Variants in PDE4D observed in about 807,000 individuals in gnomAD.
The protein encoded by PDE4D is phosphodiesterase 4D.
A neutral mutation model predicts 87.4 loss-of-function variants in PDE4D; 24 were observed. The ratio of observed to expected loss-of-function variants is 0.27; its 90% CI spans 0.20 to 0.39. The LOEUF is 0.39. Ranked by LOEUF, PDE4D falls within the 10% of genes least tolerant of loss-of-function variation. The probability of loss-of-function intolerance (pLI) is 1.00; values close to 1 mark genes in which losing one functional copy is unlikely to be tolerated. For synonymous variants in PDE4D, 384 were observed against 383.2 expected (o/e 1.00, Z -0.02); for missense variants, 714 against 1,041.0 (o/e 0.69, Z 4.32).
At chr5:59,628,564 G>A (rs553620761) in intron 1 of PDE4D, among the ~76,000 whole-genome samples, 29 of 152,182 alleles carry the variant, frequency 1.9e-4, no homozygotes, top group African/African-American at 6.7e-4. Context: ...TACTTATTGA[G>A]CCCTAACCTC....
intron 5 of PDE4D, among the ~76,000 whole-genome samples, chr5:59,055,199 G>C (rs1004685517): frequency 6.6e-6 from 1 of 152,074 alleles, no homozygotes; most frequent in African/African-American, 2.4e-5. Flanking sequence ...GCATTTCATT[G>C]GCAAATGAAC....
At chr5:60,270,427 T>C (rs1750698006) in intron 1 of PDE4D, among the ~76,000 whole-genome samples, 2 of 152,194 alleles carry the variant, frequency 1.3e-5, no homozygotes, top group African/African-American at 4.8e-5. Context: ...GTTTGTATCA[T>C]TCAGACCAGA....
chr5:59,175,562 A>ACCT (rs1261441269), intron 5 of PDE4D, among the ~76,000 whole-genome samples: 2 of 136,372 alleles, frequency 1.5e-5, no homozygotes, highest in Non-Finnish European at 3.0e-5. Flanking sequence ...GCTCACTGCA[A>ACCT]CCTCCGCCCT....
In PDE4D at chr5:58,973,097, T is replaced by C. The variant is rs1259490990; in HGVS notation, c.*1567A>G. On this transcript the variant is annotated 3_prime_UTR_variant, in exon 15 of 15. Transcript: ENST00000340635. ...CCGTTTCTCAGGGATGTTCCTGATA[T>C]AGTTCTTAATCCCATGGTGAAATCA... 2 of 152,230 alleles carry C rather than the reference T, an allele frequency of 1.3e-5. No homozygotes were observed. The highest frequency in any genetic ancestry group is 2.4e-5 in the African/African-American group (1 of 41,458). 9.4% of individuals were successfully genotyped at this position (152,230 alleles called of 1,614,324 possible). A position where few individuals can be genotyped will look rare whatever the true frequency, so the allele number is the denominator to read the frequency against.
intron 1 of PDE4D, among the ~76,000 whole-genome samples, chr5:60,506,632 G>C (rs1287334504): frequency 6.6e-6 from 1 of 152,094 alleles, no homozygotes; most frequent in Non-Finnish European, 1.5e-5. Flanking sequence ...AAAAGGAATG[G>C]AAAGCAAGAG....
At chr5:60,027,276 T>A (rs1324365417) in intron 2 of PDE4D, among the ~76,000 whole-genome samples, 1 of 152,190 alleles carries the variant, frequency 6.6e-6, no homozygotes, top group African/African-American at 2.4e-5. Flanking sequence ...CATCTTTATA[T>A]CTGTGTATAA....
At chr5:59,420,689 G>GAAA (rs55960957) in intron 1 of PDE4D, among the ~76,000 whole-genome samples, 38 of 122,010 alleles carry the variant, frequency 3.1e-4, no homozygotes, top group Non-Finnish European at 4.9e-4. Flanking sequence ...TACTGCACAA[G>GAAA]AAAAAAAAAA....
intron 1 of PDE4D, among the ~76,000 whole-genome samples, chr5:59,387,395 T>A (rs1562083001): frequency 1.3e-5 from 2 of 152,136 alleles, no homozygotes; most frequent in Non-Finnish European, 2.9e-5. Context: ...AGGTTCATAC[T>A]AGCAAGAGAT....
At chr5:60,423,580 C>T (rs565145354) in intron 1 of PDE4D, among the ~76,000 whole-genome samples, 13 of 152,036 alleles carry the variant, frequency 8.6e-5, no homozygotes, top group African/African-American at 2.9e-4. Context: ...TAAATGCACA[C>T]AAGAGAAAGC....
chr5:60,464,632 G>C (rs1747204231), intron 1 of PDE4D, among the ~76,000 whole-genome samples: 3 of 152,186 alleles, frequency 2.0e-5, no homozygotes, highest in African/African-American at 7.2e-5. Flanking sequence ...AGATCTCAGG[G>C]ATGGGGCCAT....
intron 1 of PDE4D, among the ~76,000 whole-genome samples, chr5:59,423,415 A>T (rs1442420772): frequency 6.6e-6 from 1 of 152,136 alleles, no homozygotes; most frequent in Non-Finnish European, 1.5e-5. Context: ...TGGTGTAGGG[A>T]TTCATTCTTT....
rs568507299 is a variant in PDE4D, at chr5:59,226,973, G to A, written c.456-11005C>T. Among the ~76,000 whole-genome samples, 114 of 152,186 alleles carry A rather than the reference G, an allele frequency of 7.5e-4. 1 individual carries two copies. The highest frequency in any genetic ancestry group is 2.6e-3 in the African/African-American group (109 of 41,518). The stretch of plus-strand genomic sequence containing the variant: ...TTCTTCCCTTACATCCTATTATCAT[G>A]TGCTGACCACTAACTAAGAGTATGG... On this transcript the variant is annotated intron_variant, in intron 1 of 14. Coordinates refer to ENST00000340635, the MANE Select transcript of PDE4D (RefSeq NM_001104631.2).
At chr5:59,730,224 C>T (rs1757185551) in intron 1 of PDE4D, among the ~76,000 whole-genome samples, 1 of 152,048 alleles carries the variant, frequency 6.6e-6, no homozygotes, top group African/African-American at 2.4e-5. Context: ...TCCTTTATCA[C>T]TGAGAAGAGA....
At chr5:60,395,990 C>A (rs1275912968) in intron 1 of PDE4D, among the ~76,000 whole-genome samples, 1 of 152,118 alleles carries the variant, frequency 6.6e-6, no homozygotes, top group Non-Finnish European at 1.5e-5. Context: ...TAAAACCCAG[C>A]CCACGGTTAC....
chr5:59,723,894 A>C (rs1182095493), intron 1 of PDE4D, among the ~76,000 whole-genome samples: 3 of 152,154 alleles, frequency 2.0e-5, no homozygotes, highest in Non-Finnish European at 1.5e-5. Context: ...AAAAAGGGAA[A>C]GAGAGATTAA....
At chr5:59,842,514 G>T (rs1468617065) in intron 1 of PDE4D, among the ~76,000 whole-genome samples, 5 of 151,940 alleles carry the variant, frequency 3.3e-5, no homozygotes, top group African/African-American at 1.2e-4. Context: ...TTTTCCAAAT[G>T]TACTTCCTCA....
intron 1 of PDE4D, among the ~76,000 whole-genome samples, chr5:60,333,834 A>C (rs1451130131): frequency 6.6e-6 from 1 of 152,180 alleles, no homozygotes; most frequent in Non-Finnish European, 1.5e-5. Context: ...TTTTTTTTCA[A>C]CATGAGGTTG....
intron 1 of PDE4D, among the ~76,000 whole-genome samples, chr5:60,271,392 T>C (rs1289673924): frequency 4.6e-5 from 7 of 152,188 alleles, no homozygotes; most frequent in Non-Finnish European, 8.8e-5. Context: ...ATCAAGCCCA[T>C]AGAAATGTAA....
At chr5:59,386,303 G>C (rs1335911371) in intron 1 of PDE4D, among the ~76,000 whole-genome samples, 1 of 152,068 alleles carries the variant, frequency 6.6e-6, no homozygotes, top group East Asian at 1.9e-4. Flanking sequence ...TAAGAGTCCA[G>C]TTGAATAATA....
Sources: allele counts gnomAD v4.1 joint callset (sites outside exome capture counted in the v4.1 genomes callset), GRCh38; gene constraint gnomAD v4.1.1; transcripts MANE v1.5; gene names NCBI Gene and HGNC (gene_info 2026-07-23, HGNC 2026-07-21).